NSUN6: variants seen among roughly 807,000 people sequenced by gnomAD.
The protein encoded by NSUN6 is tRNA (cytosine(72)-C(5))-methyltransferase NSUN6.
Under a neutral mutation model 58.0 loss-of-function variants are expected in NSUN6, and 64 were observed. The ratio of observed to expected loss-of-function variants is 1.10; its 90% CI spans 0.90 to 1.36. The LOEUF is 1.36. Among genes scored for constraint, NSUN6 ranks in the 40% most tolerant of loss-of-function variants. The pLI is 0.00. For synonymous variants in NSUN6, 231 were observed against 193.9 expected, an observed-to-expected ratio of 1.19 and a Z score of -1.59; for missense variants, 701 against 550.1, an observed-to-expected ratio of 1.27 and a Z score of -2.74.
At chr10:18,574,192 C>A (rs1485806536) in intron 8 of NSUN6, among the ~76,000 whole-genome samples, 1 of 151,994 alleles carries the variant, frequency 6.6e-6, no homozygotes, top group East Asian at 1.9e-4. Flanking sequence ...CTCAATGCAT[C>A]CAGTCCAACA....
In NSUN6 at chr10:18,548,145, C is replaced by G. The variant is rs755410958; in HGVS notation, c.1164G>C (p.Leu388=). 2.0e-5 allele frequency: 33 copies of G among 1,613,738 alleles called. No homozygotes were observed. The South Asian group carries it at 3.0e-4, about 15-fold the overall frequency. The change falls in exon 10 of 11, where the codon CTG becomes CTC. Residue 388 remains leucine (L), a synonymous_variant. Coordinates refer to ENST00000377304, the MANE Select transcript of NSUN6 (RefSeq NM_182543.5). ...GAAGCTGAAGGCAAGGAAATTTTGT[C>G]AGGGCCCAGGCAACCTGTTCTTCAT... ...AENEEQVAWA[L]TKFPCLQLQP...
chr10:18,560,159 G>T (rs28971465), intron 8 of NSUN6, among the ~76,000 whole-genome samples: 91,685 of 150,336 alleles, frequency 0.61, 28,253 homozygotes, highest in East Asian at 0.97. Context: ...GAATGGAATG[G>T]GGAATGGAAT....
In NSUN6 at chr10:18,651,533, G is replaced by T; in HGVS notation, c.-330C>A. 9.8e-7 allele frequency: 1 copy of T among 1,019,762 alleles called. No individual in the cohort carries two copies. The highest frequency in any genetic ancestry group is 1.2e-6 in the Non-Finnish European group (1 of 852,702). The allele number at this position is 1,019,762 out of a possible 1,614,324, so 63.2% of individuals were successfully genotyped here. A position where few individuals can be genotyped will look rare whatever the true frequency, so the allele number is the denominator to read the frequency against. On this transcript the variant is annotated 5_prime_UTR_variant, in exon 1 of 11. Transcript: ENST00000377304. Reference sequence around the variant, plus strand: ...TAGTAACTGAATCCGTGGTGAAACGGACGCAGATCAGTAAGCCAGGCTGAC... The same window carrying T: ...TAGTAACTGAATCCGTGGTGAAACGTACGCAGATCAGTAAGCCAGGCTGAC...
chr10:18,582,204 A>G (rs935981501), intron 8 of NSUN6, among the ~76,000 whole-genome samples: 1 of 152,084 alleles, frequency 6.6e-6, no homozygotes, highest in Non-Finnish European at 1.5e-5. Context: ...CTGGGAGACT[A>G]CCTTTCCCTG....
At chr10:18,604,631 C>G (rs568674695) in intron 6 of NSUN6, among the ~76,000 whole-genome samples, 1 of 152,154 alleles carries the variant, frequency 6.6e-6, no homozygotes, top group South Asian at 2.1e-4. Flanking sequence ...CACCTGTAAT[C>G]CCAGCACTTT....
intron 8 of NSUN6, among the ~76,000 whole-genome samples, chr10:18,581,882 C>A (rs1327108913): frequency 6.6e-6 from 1 of 151,658 alleles, no homozygotes; most frequent in Non-Finnish European, 1.5e-5. Flanking sequence ...AGCAGTCATT[C>A]TTTTATTCCT....
intron 3 of NSUN6, among the ~76,000 whole-genome samples, chr10:18,634,565 C>T (rs1481727932): frequency 6.7e-6 from 1 of 148,728 alleles, no homozygotes; most frequent in South Asian, 2.1e-4. Flanking sequence ...TCCCGGCTAA[C>T]ATGGTGAAAC....
At chr10:18,635,508 A>G (rs1331806229) in intron 3 of NSUN6, among the ~76,000 whole-genome samples, 1 of 152,194 alleles carries the variant, frequency 6.6e-6, no homozygotes, top group Non-Finnish European at 1.5e-5. Context: ...TGGAAGACCT[A>G]TGACTGGAAA....
chr10:18,552,652 C>T (rs533749575), intron 8 of NSUN6, among the ~76,000 whole-genome samples: 1 of 151,360 alleles, frequency 6.6e-6, no homozygotes, highest in East Asian at 1.9e-4. Context: ...CATTCCATTC[C>T]CCATTCTATT....
At chr10:18,625,223 G>C (rs1319031529) in intron 3 of NSUN6, among the ~76,000 whole-genome samples, 34 of 152,142 alleles carry the variant, frequency 2.2e-4, no homozygotes, top group East Asian at 1.9e-4. Flanking sequence ...GCTAGGTTCT[G>C]TGAGTCTTAG....
intron 6 of NSUN6, among the ~76,000 whole-genome samples, chr10:18,598,568 C>T (rs2057686179): frequency 6.6e-6 from 1 of 152,170 alleles, no homozygotes; most frequent in Non-Finnish European, 1.5e-5. Context: ...ACCACCTGGG[C>T]TCAATCAATC....
chr10:18,562,787 T>TGGAATGGAGTGGAGAAA (rs139478402), intron 8 of NSUN6, among the ~76,000 whole-genome samples: 108,998 of 142,646 alleles, frequency 0.76, 41,832 homozygotes, highest in East Asian at 0.98. Flanking sequence ...GATAATGGAA[T>TGGAATGGAGTGGAGAAA]GGAATGGAGT....
intron 6 of NSUN6, among the ~76,000 whole-genome samples, chr10:18,608,290 A>C (rs1267900527): frequency 6.6e-6 from 1 of 151,480 alleles, no homozygotes; most frequent in Non-Finnish European, 1.5e-5. Context: ...GATAGCAAAA[A>C]AGTGTAAAAA....
At chr10:18,635,332 G>A (rs1271121835) in intron 3 of NSUN6, among the ~76,000 whole-genome samples, 1 of 152,152 alleles carries the variant, frequency 6.6e-6, no homozygotes, top group Non-Finnish European at 1.5e-5. Context: ...CCATTAGTGT[G>A]ACTGTATGAT....
In NSUN6 at chr10:18,554,152, C is replaced by T. The variant is rs111208086; in HGVS notation, c.923-2181G>A. Among the ~76,000 whole-genome samples, 797 of 135,236 alleles carry T rather than the reference C, an allele frequency of 5.9e-3. 3 individuals are homozygous for T. The highest frequency in any genetic ancestry group is 0.018 in the African/African-American group (649 of 35,706). The allele number at this position is 135,236 out of a possible 152,430, so 88.7% of individuals were successfully genotyped here. On this transcript the variant is annotated intron_variant, in intron 8 of 10. Coordinates refer to ENST00000377304, the MANE Select transcript of NSUN6 (RefSeq NM_182543.5). The stretch of plus-strand genomic sequence containing the variant: ...TTGAATGGAGAATGGATTGGATAAA[C>T]GAATGCGGAATGGAATGGAATCAAG...
chr10:18,638,786 A>C (rs1402504424), intron 3 of NSUN6, among the ~76,000 whole-genome samples: 1 of 152,042 alleles, frequency 6.6e-6, no homozygotes, highest in Admixed American at 6.6e-5. Flanking sequence ...CACTTAGGGA[A>C]AGGGCAGGGG....
upstream of NSUN6, among the ~76,000 whole-genome samples, chr10:18,659,002 C>T (rs944848434): frequency 3.9e-5 from 6 of 152,226 alleles, no homozygotes; most frequent in African/African-American, 1.4e-4. Flanking sequence ...CTCTTCACTT[C>T]TGTGAGTTTT....
chr10:18,563,308 G>A (rs2055679372), intron 8 of NSUN6, among the ~76,000 whole-genome samples: 1 of 151,272 alleles, frequency 6.6e-6, no homozygotes, highest in Non-Finnish European at 1.5e-5. Flanking sequence ...ATGCAGAATG[G>A]AATGGAGAAT....
chr10:18,611,408 C>T (rs548672046), intron 5 of NSUN6, among the ~76,000 whole-genome samples: 12 of 151,768 alleles, frequency 7.9e-5, no homozygotes, highest in Non-Finnish European at 1.5e-4. Flanking sequence ...ATGGTGTGTA[C>T]TCTATCTAAT....
Sources: gnomAD v4.1 joint callset for allele counts (sites outside exome capture counted in the v4.1 genomes callset) on GRCh38, gnomAD v4.1.1 for gene constraint, MANE v1.5 for transcripts, NCBI Gene and HGNC (gene_info 2026-07-23, HGNC 2026-07-21) for gene names.